Variants in GLT1D1 observed in about 807,000 individuals in gnomAD.
GLT1D1 encodes the protein glycosyltransferase 1 domain-containing protein 1.
Under a neutral mutation model 28.7 loss-of-function variants are expected in GLT1D1, and 21 were observed. That is an observed-to-expected ratio of 0.73 (90% confidence interval 0.52 to 1.05). The LOEUF (loss-of-function observed/expected upper bound fraction) is 1.05, where lower values mean the gene tolerates loss of function less well. Among genes scored for constraint, GLT1D1 ranks in the 50% least tolerant of loss-of-function variants. The pLI is 0.00. For synonymous variants in GLT1D1, 147 were observed against 124.8 expected (o/e 1.18, Z -1.19); for missense variants, 343 against 330.6 (o/e 1.04, Z -0.29).
At chr12:128,894,492 G>A (rs10773584) in intron 3 of GLT1D1, among the ~76,000 whole-genome samples, 47,641 of 151,816 alleles carry the variant, frequency 0.31, 8,268 homozygotes, top group Admixed American at 0.41. Flanking sequence ...TCTACCTTAC[G>A]GAAGACTTTC....
intron 7 of GLT1D1, among the ~76,000 whole-genome samples, chr12:128,963,020 G>C (rs887358188): frequency 6.6e-6 from 1 of 152,154 alleles, no homozygotes. Context: ...TTTTAAACAT[G>C]ATGGGGACCT....
intron 7 of GLT1D1, among the ~76,000 whole-genome samples, chr12:128,961,955 C>A (rs904957661): frequency 6.6e-6 from 1 of 152,190 alleles, no homozygotes; most frequent in Non-Finnish European, 1.5e-5. Context: ...TTCTGGTAAC[C>A]CGAACTCTGT....
chr12:128,876,117 G>T, intron 2 of GLT1D1, 55 bp downstream of exon 2: 1 of 1,499,534 alleles, frequency 6.7e-7, no homozygotes. Flanking sequence ...AACCGGAAGT[G>T]CCTGTAATGT....
chr12:128,984,493 G>T lies in GLT1D1; in HGVS notation c.*1403G>T, dbSNP rs1383453887. The T allele has an allele frequency of 6.6e-6, 1 of 152,116 alleles. No homozygotes were observed. Among genetic ancestry groups the T allele is most frequent in the Non-Finnish European group, 1.5e-5 (1 of 68,042 alleles). 9.4% of individuals were successfully genotyped at this position (152,116 alleles called of 1,614,324 possible). A position where few individuals can be genotyped will look rare whatever the true frequency, so the allele number is the denominator to read the frequency against. ...GCTGCCTCCATCATGTAATAGAATC[G>T]CTTTCCAGAAAGGCAGTTAACTGGA... On this transcript the variant is annotated 3_prime_UTR_variant, in exon 8 of 8. Transcript: ENST00000281703.
intron 4 of GLT1D1, among the ~76,000 whole-genome samples, chr12:128,931,635 C>G (rs1431394980): frequency 1.3e-5 from 2 of 152,034 alleles, no homozygotes; most frequent in Non-Finnish European, 2.9e-5. Context: ...CTATGGAACA[C>G]GGCACCTCCC....
At chr12:128,923,820 A>G (rs1467387968) in intron 4 of GLT1D1, among the ~76,000 whole-genome samples, 1 of 151,760 alleles carries the variant, frequency 6.6e-6, no homozygotes. Context: ...GCGTCTGGCC[A>G]GGATCCCTCA....
intron 4 of GLT1D1, 65 bp from the exon 7 acceptor site, chr12:128,926,294 T>C (rs1873213497): frequency 2.8e-6 from 2 of 709,426 alleles, no homozygotes; most frequent in African/African-American, 3.6e-5. Context: ...GCATCTGTGA[T>C]GTCATTGCTA....
At chr12:128,927,119 G>T in intron 4 of GLT1D1, 1 of 1,535,820 alleles carries the variant, frequency 6.5e-7, no homozygotes, top group Middle Eastern at 1.7e-4. Context: ...GCATCAGGAG[G>T]AGCCCAATGT....
intron 1 of GLT1D1, among the ~76,000 whole-genome samples, chr12:128,872,223 C>T (rs1229197342): frequency 1.3e-5 from 2 of 152,146 alleles, no homozygotes; most frequent in East Asian, 1.9e-4. Context: ...GGATTACAGG[C>T]GTGAGCCACC....
intron 7 of GLT1D1, among the ~76,000 whole-genome samples, chr12:128,982,161 G>A (rs191928225): frequency 2.0e-5 from 3 of 152,126 alleles, no homozygotes; most frequent in South Asian, 2.1e-4. Flanking sequence ...AAGCTGAGCC[G>A]CGGGAGGAAA....
rs761305417 is a variant in GLT1D1, at chr12:128,899,265, A to G, written c.353A>G (p.Lys118Arg). The G allele has an allele frequency of 1.2e-6, 2 of 1,613,722 alleles. No homozygotes were observed. The highest frequency in any genetic ancestry group is 1.1e-5 in the South Asian group (1 of 91,084). Residue 118 changes from lysine to arginine, a missense_variant, in exon 4 of 8, where the codon AAG becomes AGG. Coordinates refer to ENST00000281703, the MANE Select transcript of GLT1D1 (RefSeq NM_144669.3). Reference sequence around the variant, plus strand: ...GCTGTCGCTTTCACAGAGTCAATGAAGGAAATGGCACAAGCGCAGTGGGTA... The same window carrying G: ...GCTGTCGCTTTCACAGAGTCAATGAGGGAAATGGCACAAGCGCAGTGGGTA...
Position 128,956,982 on chromosome 12 carries a change from C to T in GLT1D1, c.541-563C>T, listed in dbSNP as rs932422063. On this transcript the variant is annotated intron_variant, in intron 6 of 7. Coordinates refer to ENST00000281703, the MANE Select transcript of GLT1D1 (RefSeq NM_144669.3). ...AGGGCTGCACACTGTGCTGTCAGGCCATCTTCTTGTGGCACAGCTGCTAGG... is the reference window on the plus strand; with the variant it reads ...AGGGCTGCACACTGTGCTGTCAGGCTATCTTCTTGTGGCACAGCTGCTAGG... Among the ~76,000 whole-genome samples the T allele has an allele frequency of 4.6e-5, 7 of 152,358 alleles. No homozygotes were observed. The East Asian group carries it at 7.7e-4, about 17-fold the overall frequency.
intron 1 of GLT1D1, among the ~76,000 whole-genome samples, chr12:128,862,639 C>A (rs1956410281): frequency 1.3e-5 from 2 of 152,132 alleles, no homozygotes; most frequent in Admixed American, 6.5e-5. Context: ...AGAATGAGAC[C>A]CTGTATCACA....
At position 128,947,411 on chromosome 12, in the gene GLT1D1, G is replaced by A. The variant is rs778043963; in HGVS notation, c.493G>A (p.Val165Met). The change falls in exon 6 of 8, where the codon GTG becomes ATG. Residue 165 changes from valine to methionine, a missense_variant. Transcript: ENST00000281703. ...CGCGGTGGTGAAGAATTGCTTCGCG[G>A]TGGTGAATAGCTCTGTCTCTGAAGG... 2 of 1,614,034 alleles carry A rather than the reference G, an allele frequency of 1.2e-6. No individual in the cohort carries two copies. Among genetic ancestry groups the A allele is most frequent in the East Asian group, 2.2e-5 (1 of 44,882 alleles).
At chr12:128,898,798 G>A (rs1171734144) in intron 3 of GLT1D1, among the ~76,000 whole-genome samples, 1 of 152,202 alleles carries the variant, frequency 6.6e-6, no homozygotes, top group African/African-American at 2.4e-5. Flanking sequence ...TGAAAGGAGG[G>A]AGATGATAAC....
At chr12:128,856,583 G>A in intron 1 of GLT1D1, among the ~76,000 whole-genome samples, 1 of 152,140 alleles carries the variant, frequency 6.6e-6, no homozygotes, top group Non-Finnish European at 1.5e-5. Context: ...GTCCCAGGAA[G>A]GAATAATGGT....
intron 4 of GLT1D1, among the ~76,000 whole-genome samples, chr12:128,923,319 T>C (rs541891323): frequency 6.6e-6 from 1 of 152,298 alleles, no homozygotes; most frequent in East Asian, 1.9e-4. Context: ...AAGTTTTAGG[T>C]CGGCTTGTGT....
intron 4 of GLT1D1, among the ~76,000 whole-genome samples, chr12:128,914,643 A>C (rs2135890784): frequency 6.6e-6 from 1 of 152,012 alleles, no homozygotes; most frequent in Middle Eastern, 3.4e-3. Context: ...AACATGGTGA[A>C]ACCCTGTCTC....
intron 7 of GLT1D1, among the ~76,000 whole-genome samples, chr12:128,967,111 T>C (rs1257756475): frequency 6.6e-6 from 1 of 152,252 alleles, no homozygotes; most frequent in African/African-American, 2.4e-5. Context: ...CAAACCTATT[T>C]TGCTTGGAGG....
Sources: gnomAD v4.1 joint callset for allele counts (sites outside exome capture counted in the v4.1 genomes callset) on GRCh38, gnomAD v4.1.1 for gene constraint, MANE v1.5 for transcripts, NCBI Gene and HGNC (gene_info 2026-07-23, HGNC 2026-07-21) for gene names.